The following ZNF500 variants were observed in gnomAD, a reference collection of about 807,000 sequenced individuals.
ZNF500 encodes zinc finger protein with KRAB and SCAN domains 18.
Under a neutral mutation model 30.1 loss-of-function variants are expected in ZNF500, and 31 were observed. That is an observed-to-expected ratio of 1.03 (90% CI 0.77 to 1.39). The LOEUF is 1.39. Among genes scored for constraint, ZNF500 ranks in the 40% most tolerant of loss-of-function variants. The pLI is 0.00. For synonymous variants in ZNF500, 392 were observed against 282.0 expected, an observed-to-expected ratio of 1.39 and a Z score of -3.91; for missense variants, 817 against 657.8, an observed-to-expected ratio of 1.24 and a Z score of -2.65.
intron 5 of ZNF500, chr16:4,756,644 T>C (rs2082138013): frequency 1.3e-5 from 2 of 152,054 alleles, no homozygotes; most frequent in Non-Finnish European, 2.9e-5. Flanking sequence ...AGCCTCTGAG[T>C]AGCTGGGACT....
At chr16:4,753,606 G>C (rs148188452) in intron 5 of ZNF500, among the ~76,000 whole-genome samples, 7 of 152,168 alleles carry the variant, frequency 4.6e-5, no homozygotes, top group African/African-American at 1.7e-4. Context: ...CAGAATCACC[G>C]GGCTGCTAAG....
rs144098818 is a variant in ZNF500, at chr16:4,754,084, C to G, written c.761-1026G>C. ...CATGAGGGTGACTGCAGCTGGGGAC[C>G]TGGTAGCACAAAGTGCACTGGGGTG... On this transcript the variant is annotated intron_variant, in intron 5 of 5. Transcript: ENST00000219478. Among the ~76,000 whole-genome samples, 299 of 152,326 alleles carry G rather than the reference C, an allele frequency of 2.0e-3. 2 individuals are homozygous for G. The highest frequency in any genetic ancestry group is 6.8e-3 in the African/African-American group (284 of 41,572).
At chr16:4,747,289 C>T, downstream of ZNF500, 3 of 1,509,356 alleles carry the variant, frequency 2.0e-6, no homozygotes, top group South Asian at 1.3e-5. Flanking sequence ...GTAAGGAGGG[C>T]TGGGAGGGGC....
At chr16:4,757,232 C>T (rs2082144321) in intron 5 of ZNF500, among the ~76,000 whole-genome samples, 1 of 152,126 alleles carries the variant, frequency 6.6e-6, no homozygotes, top group African/African-American at 2.4e-5. Flanking sequence ...AACAAGTTTC[C>T]ACAGTGTGGA....
chr16:4,763,288 A>C (rs1005106355), intron 2 of ZNF500: 8 of 288,284 alleles, frequency 2.8e-5, no homozygotes, highest in Middle Eastern at 1.7e-3. Flanking sequence ...AATCCCAGGT[A>C]CTTGGGAGGC....
At chr16:4,745,745 G>A (rs2082006660), downstream of ZNF500, among the ~76,000 whole-genome samples, 1 of 152,178 alleles carries the variant, frequency 6.6e-6, no homozygotes, top group Non-Finnish European at 1.5e-5. Flanking sequence ...GATGTCAGGA[G>A]TTCGAGACCA....
intron 5 of ZNF500, among the ~76,000 whole-genome samples, chr16:4,755,759 T>C (rs922610615): frequency 1.3e-5 from 2 of 152,176 alleles, no homozygotes; most frequent in Admixed American, 6.5e-5. Context: ...TGTACATAAA[T>C]GTTCACGACA....
rs896398364 is a variant in ZNF500 at position 4,762,960 on chromosome 16, C to A, written c.415-204G>T. ...GCTCTACTCCATGGTCTCTCCCTGT[C>A]ACCACAATCGTTTCCCCATCACATT... On this transcript the variant is annotated intron_variant, in intron 2 of 5. Coordinates refer to ENST00000219478, the MANE Select transcript of ZNF500 (RefSeq NM_021646.4). The A allele has an allele frequency of 5.1e-6, 5 of 985,324 alleles. No individual in the cohort carries two copies. In the African/African-American group the frequency reaches 8.7e-5, roughly 17 times the overall value. The allele number at this position is 985,324 out of a possible 1,614,324, so 61.0% of individuals were successfully genotyped here.
chr16:4,745,156 G>A (rs1440584555), downstream of ZNF500: 2 of 1,115,646 alleles, frequency 1.8e-6, no homozygotes. Context: ...AGTCGCTCCA[G>A]TCATCCCCAT....
Position 4,765,975 on chromosome 16 carries a change from C to G in ZNF500, c.4G>C (p.Ala2Pro), listed in dbSNP as rs375608280. 10 of 1,553,376 alleles carry G rather than the reference C, an allele frequency of 6.4e-6. No homozygotes were observed. The African/African-American group carries it at 1.4e-4, about 21-fold the overall frequency. ...AGGGGCTGGAGGCCAGGGACAGTGGCCATTGCTTCCGGTGGGCCTTGTTCC... is the reference window on the plus strand; with the variant it reads ...AGGGGCTGGAGGCCAGGGACAGTGGGCATTGCTTCCGGTGGGCCTTGTTCC... M[A>P]TVPGLQPLPT... The change falls in exon 2 of 6, where the codon GCC (alanine) becomes CCC (proline). Residue 2 changes from alanine to proline, a missense_variant. Transcript: ENST00000219478.
chr16:4,756,136 G>A (rs1011170410), intron 5 of ZNF500, among the ~76,000 whole-genome samples: 2 of 152,162 alleles, frequency 1.3e-5, no homozygotes, highest in Admixed American at 1.3e-4. Flanking sequence ...GATAGCTCAC[G>A]CCTGTAATAC....
intron 2 of ZNF500, chr16:4,764,192 C>T (rs752881974): frequency 3.6e-5 from 22 of 615,922 alleles, no homozygotes; most frequent in South Asian, 7.3e-5. Flanking sequence ...ACGACTGAGC[C>T]CTTGAGAGGT....
In ZNF500 at chr16:4,750,309, G is replaced by C. The variant is rs1161065876; in HGVS notation, c.*2067C>G. 6.6e-6 allele frequency: 1 copy of C among 152,236 alleles called. No individual in the cohort carries two copies. Among genetic ancestry groups the C allele is most frequent in the Non-Finnish European group, 1.5e-5 (1 of 68,102 alleles). 9.4% of individuals were successfully genotyped at this position (152,236 alleles called of 1,614,324 possible). A position where few individuals can be genotyped will look rare whatever the true frequency, so the allele number is the denominator to read the frequency against. On this transcript the variant is annotated 3_prime_UTR_variant, in exon 6 of 6. Coordinates refer to ENST00000219478, the MANE Select transcript of ZNF500 (RefSeq NM_021646.4). ...CACAGGACAGAGCACACAGGGGCCA[G>C]AAGCAATGACTTAAAAAAAAAATTG...
intron 5 of ZNF500, among the ~76,000 whole-genome samples, chr16:4,757,965 G>A (rs904762315): frequency 1.4e-5 from 2 of 148,036 alleles, no homozygotes; most frequent in African/African-American, 5.0e-5. Flanking sequence ...GCAATGGCGT[G>A]ATCTTGGCTT....
At chr16:4,764,129 G>A (rs914129186) in intron 2 of ZNF500, 6 of 981,568 alleles carry the variant, frequency 6.1e-6, no homozygotes, top group Non-Finnish European at 6.0e-6. Context: ...ATTTCGGTGT[G>A]TCAGAAGGGT....
intron 5 of ZNF500, chr16:4,758,314 G>A (rs920258746): frequency 2.0e-5 from 3 of 152,216 alleles, no homozygotes; most frequent in Admixed American, 1.3e-4. Flanking sequence ...CTGTGACCCT[G>A]AGAGGGAAGC....
intron 2 of ZNF500, chr16:4,763,488 G>A (rs1305057620): frequency 7.6e-6 from 7 of 918,188 alleles, no homozygotes; most frequent in South Asian, 1.0e-4. Context: ...AAGGTGAGTT[G>A]AATGAAATTG....
At chr16:4,764,402 T>G (rs1444745923) in intron 2 of ZNF500, among the ~76,000 whole-genome samples, 1 of 152,124 alleles carries the variant, frequency 6.6e-6, no homozygotes, top group Admixed American at 6.6e-5. Context: ...GGCAGATCCC[T>G]GTAATGCCAG....
Position 4,752,583 on chromosome 16 carries a change from G to T in ZNF500, c.1236C>A (p.Thr412=). 1 of 1,586,440 alleles carries T rather than the reference G, an allele frequency of 6.3e-7. No individual in the cohort carries two copies. The highest frequency in any genetic ancestry group is 2.3e-5 in the East Asian group (1 of 43,332). The change falls in exon 6 of 6, where the codon ACC becomes ACA. Residue 412 remains threonine, a synonymous_variant. Coordinates refer to ENST00000219478, the MANE Select transcript of ZNF500 (RefSeq NM_021646.4). ...THSGERPYAC[T]QCGKRFNNSS... ...TGTTGTTGAAGCGCTTCCCGCACTG[G>T]GTGCAGGCATAGGGCCGCTCCCCGC...
Sources: allele counts gnomAD v4.1 joint callset (sites outside exome capture counted in the v4.1 genomes callset), GRCh38; gene constraint gnomAD v4.1.1; transcripts MANE v1.5; gene names NCBI Gene and HGNC (gene_info 2026-07-23, HGNC 2026-07-21).